The following FKBP5 variants were observed in gnomAD, a reference collection of about 807,000 sequenced individuals.
The protein encoded by FKBP5 is FKBP prolyl isomerase 5.
In FKBP5, 23 loss-of-function variants were observed where a neutral mutation model predicts 50.5. The ratio of observed to expected loss-of-function variants is 0.46; its 90% CI spans 0.33 to 0.65. The LOEUF (loss-of-function observed/expected upper bound fraction) is 0.65, where lower values mean the gene tolerates loss of function less well. Among genes scored for constraint, FKBP5 ranks in the 30% least tolerant of loss-of-function variants. FKBP5 has a pLI of 0.02. For synonymous variants in FKBP5, 176 were observed against 190.6 expected, an observed-to-expected ratio of 0.92 and a Z score of 0.63; for missense variants, 411 against 553.1, an observed-to-expected ratio of 0.74 and a Z score of 2.58.
At chr6:35,677,920 A>T (rs1765569036) in intron 1 of FKBP5, among the ~76,000 whole-genome samples, 1 of 152,044 alleles carries the variant, frequency 6.6e-6, no homozygotes, top group Non-Finnish European at 1.5e-5. Flanking sequence ...AGTAGCTGGG[A>T]CTACAGGCAC....
intron 5 of FKBP5, among the ~76,000 whole-genome samples, chr6:35,602,796 C>T (rs761334988): frequency 6.6e-6 from 1 of 152,224 alleles, no homozygotes; most frequent in African/African-American, 2.4e-5. Flanking sequence ...TGCTAACAGG[C>T]GTGGAACCTG....
At chr6:35,693,163 C>CTT (rs71002590), upstream of FKBP5, among the ~76,000 whole-genome samples, 648 of 109,758 alleles carry the variant, frequency 5.9e-3, 21 homozygotes, top group Non-Finnish European at 6.4e-3. Flanking sequence ...TTCTCTCTCT[C>CTT]TTTTTTTTTT....
chr6:35,685,692 C>T (rs1765802069), intron 1 of FKBP5, among the ~76,000 whole-genome samples: 2 of 152,072 alleles, frequency 1.3e-5, no homozygotes, highest in Non-Finnish European at 2.9e-5. Context: ...TTAAATAAAG[C>T]AATACTAGGC....
chr6:35,578,372 A>C (rs1762295138), intron 9 of FKBP5, among the ~76,000 whole-genome samples: 1 of 152,102 alleles, frequency 6.6e-6, no homozygotes, highest in African/African-American at 2.4e-5. Flanking sequence ...TTATTTTTAT[A>C]ATCTTGGTGT....
At chr6:35,589,922 C>T (rs1762760849) in intron 7 of FKBP5, among the ~76,000 whole-genome samples, 1 of 152,176 alleles carries the variant, frequency 6.6e-6, no homozygotes, top group Admixed American at 6.5e-5. Flanking sequence ...ACTTTCTTAG[C>T]CCAAAGGTAC....
chr6:35,636,244 A>C (rs1764306558), intron 3 of FKBP5, among the ~76,000 whole-genome samples: 1 of 152,220 alleles, frequency 6.6e-6, no homozygotes, highest in South Asian at 2.1e-4. Context: ...AAATAAGCCC[A>C]CAGTGGCAAA....
intron 1 of FKBP5, among the ~76,000 whole-genome samples, chr6:35,688,539 T>C (rs1765903453): frequency 2.0e-5 from 3 of 151,158 alleles, no homozygotes; most frequent in African/African-American, 7.3e-5. Context: ...CGGTCACTAG[T>C]CTCCGCGCCT....
chr6:35,715,582 G>A (rs1387067227), intron 2 of FKBP5, among the ~76,000 whole-genome samples: 1 of 152,228 alleles, frequency 6.6e-6, no homozygotes, highest in Non-Finnish European at 1.5e-5. Context: ...CCAGGCAGCA[G>A]GAACGGCATG....
Position 35,587,046 on chromosome 6 carries a change from G to T in FKBP5, c.828C>A (p.Thr276=). ...EQAAIVKEKG[T]VYFKGGKYMQ... The stretch of plus-strand genomic sequence containing the variant: ...GGGACTCACACACCTTGAAGTATAC[G>T]GTTCCCTTCTCTTTGACAATGGCAG... The change falls in exon 8 of 11, where the codon ACC becomes ACA. Residue 276 remains threonine (T), a synonymous_variant. Transcript: ENST00000357266. 6.2e-7 allele frequency: 1 copy of T among 1,613,764 alleles called. No homozygotes were observed. The highest frequency in any genetic ancestry group is 8.5e-7 in the Non-Finnish European group (1 of 1,179,728).
At chr6:35,678,525 C>T (rs146978211) in intron 1 of FKBP5, among the ~76,000 whole-genome samples, 14 of 152,262 alleles carry the variant, frequency 9.2e-5, no homozygotes, top group Non-Finnish European at 1.5e-4. Flanking sequence ...TCTACAGATA[C>T]GGAGTACTTA....
intron 8 of FKBP5, chr6:35,580,758 G>A (rs1472510975): frequency 1.0e-5 from 6 of 582,096 alleles, no homozygotes; most frequent in Non-Finnish European, 1.3e-5. Context: ...GGCCAGGCTG[G>A]TCTTGAACTC....
At chr6:35,695,097 T>C (rs1289380962) in intron 2 of FKBP5, among the ~76,000 whole-genome samples, 1 of 152,178 alleles carries the variant, frequency 6.6e-6, no homozygotes, top group African/African-American at 2.4e-5. Flanking sequence ...GGTGAGAGAA[T>C]GGATGCTTTC....
At chr6:35,656,919 A>G (rs1183617496) in intron 1 of FKBP5, among the ~76,000 whole-genome samples, 2 of 149,628 alleles carry the variant, frequency 1.3e-5, no homozygotes, top group Non-Finnish European at 3.0e-5. Context: ...AGAAAAAAGA[A>G]AAAGAAAAAA....
chr6:35,727,493 C>A (rs1164473882), intron 1 of FKBP5, among the ~76,000 whole-genome samples: 1 of 152,220 alleles, frequency 6.6e-6, no homozygotes, highest in Non-Finnish European at 1.5e-5. Flanking sequence ...CTACTCCCGG[C>A]GTCGTGCCAG....
intron 3 of FKBP5, among the ~76,000 whole-genome samples, chr6:35,625,599 G>A (rs1048937736): frequency 4.0e-5 from 6 of 149,546 alleles, no homozygotes; most frequent in Admixed American, 2.0e-4. Context: ...AGCCGGGCGT[G>A]GTGGTGAGTG....
intron 4 of FKBP5, among the ~76,000 whole-genome samples, chr6:35,619,616 G>A (rs915901963): frequency 6.6e-6 from 1 of 152,150 alleles, no homozygotes; most frequent in Non-Finnish European, 1.5e-5. Context: ...TGTGACCTAC[G>A]ACTGATTAAA....
Position 35,637,124 on chromosome 6 carries a change from G to A in FKBP5, c.140C>T (p.Pro47Leu), listed in dbSNP as rs201013987. 5.4e-5 allele frequency: 87 copies of A among 1,608,970 alleles called. No homozygotes were observed. Among genetic ancestry groups the A allele is most frequent in the East Asian group, 2.9e-4 (13 of 44,592 alleles). The change falls in exon 3 of 11, where the codon CCG (proline) becomes CTG (leucine). Residue 47 changes from proline to leucine, a missense_variant. By Grantham distance (98) the Pro-to-Leu change is moderately conservative. Transcript: ENST00000357266. ...GACATAAACTTTGTCTCCAATCATC[G>A]GCGTTTCCTCACCATTCCCCACTCT... Reference protein sequence around the residue: ...VKRVGNGEETPMIGDKVYVHY... With the variant: ...VKRVGNGEETLMIGDKVYVHY...
At chr6:35,580,432 T>C (rs973302039) in intron 8 of FKBP5, 5 of 475,018 alleles carry the variant, frequency 1.1e-5, no homozygotes, top group Non-Finnish European at 1.9e-5. Context: ...GAGCACTGCC[T>C]AGTGCTGCTC....
intron 1 of FKBP5, among the ~76,000 whole-genome samples, chr6:35,668,405 A>C (rs1283754793): frequency 6.6e-6 from 1 of 152,272 alleles, no homozygotes; most frequent in Non-Finnish European, 1.5e-5. Flanking sequence ...CAACCCTAAC[A>C]GACCAAAACC....
Sources: allele counts gnomAD v4.1 joint callset (sites outside exome capture counted in the v4.1 genomes callset), GRCh38; gene constraint gnomAD v4.1.1; transcripts MANE v1.5; gene names NCBI Gene and HGNC (gene_info 2026-07-23, HGNC 2026-07-21).